The following MNAT1 variants were observed in gnomAD, a reference collection of about 807,000 sequenced individuals.
MNAT1 encodes MNAT1 component of CDK activating kinase, also known as CDK-activating kinase assembly factor MAT1.
In MNAT1, 43 loss-of-function variants were observed where a neutral mutation model predicts 42.0. The ratio of observed to expected loss-of-function variants is 1.02; its 90% confidence interval spans 0.80 to 1.32. The LOEUF (loss-of-function observed/expected upper bound fraction) is 1.32. MNAT1 is among the 40% of genes most tolerant of loss of function. MNAT1 has a pLI of 0.00. For missense variants in MNAT1, 306 were observed against 350.4 expected, an observed-to-expected ratio of 0.87 and a Z score of 1.01; for synonymous variants, 118 against 120.0, an observed-to-expected ratio of 0.98 and a Z score of 0.11.
intron 7 of MNAT1, among the ~76,000 whole-genome samples, chr14:60,926,359 A>G (rs1470545972): frequency 2.0e-5 from 3 of 152,176 alleles, no homozygotes; most frequent in Non-Finnish European, 4.4e-5. Context: ...ATAGTATCAT[A>G]TACCACAGGT....
At chr14:60,767,432 T>G (rs944588074) in intron 1 of MNAT1, among the ~76,000 whole-genome samples, 1 of 152,170 alleles carries the variant, frequency 6.6e-6, no homozygotes, top group African/African-American at 2.4e-5. Flanking sequence ...TGGGGAGAAT[T>G]GAGGCCAGTT....
chr14:60,755,069 G>A (rs184952145), intron 1 of MNAT1, among the ~76,000 whole-genome samples: 191 of 152,018 alleles, frequency 1.3e-3, no homozygotes, highest in African/African-American at 4.5e-3. Flanking sequence ...GCATGATCAC[G>A]GCTCACTGTA....
chr14:60,841,127 C>G (rs758423296), intron 6 of MNAT1, among the ~76,000 whole-genome samples: 6 of 151,730 alleles, frequency 4.0e-5, no homozygotes, highest in Admixed American at 6.6e-5. Flanking sequence ...GATTCTCTCT[C>G]TCTCTCTTTC....
At chr14:60,946,951 T>C (rs975172190) in intron 7 of MNAT1, among the ~76,000 whole-genome samples, 3 of 152,362 alleles carry the variant, frequency 2.0e-5, no homozygotes, top group Non-Finnish European at 4.4e-5. Flanking sequence ...CCTGGCCTTC[T>C]ATCTGTGTCC....
At chr14:60,885,940 T>C (rs771901719) in intron 7 of MNAT1, among the ~76,000 whole-genome samples, 3 of 152,036 alleles carry the variant, frequency 2.0e-5, no homozygotes, top group Non-Finnish European at 4.4e-5. Context: ...TGATGTTTTT[T>C]AATATGGTGT....
In MNAT1 at chr14:60,767,685, C is replaced by T. The variant is rs866007507; in HGVS notation, c.90-28532C>T. On this transcript the variant is annotated intron_variant, in intron 1 of 7. Transcript: ENST00000261245. ...GTGTGATCTTGGCTCATCGCAACCT[C>T]TGCCTGCTAGGTTCAAGTGATTCTT... Among the ~76,000 whole-genome samples, 4 of 152,282 alleles carry T rather than the reference C, an allele frequency of 2.6e-5. No homozygotes were observed. The South Asian group carries it at 6.2e-4, about 24-fold the overall frequency.
At chr14:60,955,485 A>G (rs1238837314) in intron 7 of MNAT1, among the ~76,000 whole-genome samples, 3 of 152,114 alleles carry the variant, frequency 2.0e-5, no homozygotes, top group African/African-American at 7.2e-5. Context: ...AACATGGTGA[A>G]ACCCCATCTC....
intron 7 of MNAT1, among the ~76,000 whole-genome samples, chr14:60,918,048 G>C (rs1444766523): frequency 6.6e-6 from 1 of 151,650 alleles, no homozygotes; most frequent in African/African-American, 2.4e-5. Context: ...TTTTGTCTTT[G>C]CTTGATCAAA....
intron 7 of MNAT1, among the ~76,000 whole-genome samples, chr14:60,929,690 C>T (rs2035846129): frequency 6.6e-6 from 1 of 152,116 alleles, no homozygotes; most frequent in Non-Finnish European, 1.5e-5. Flanking sequence ...CTGAATTACA[C>T]ATTTAGCTGT....
intron 7 of MNAT1, among the ~76,000 whole-genome samples, chr14:60,901,611 C>G (rs545696009): frequency 2.2e-4 from 33 of 152,232 alleles, no homozygotes; most frequent in African/African-American, 7.9e-4. Context: ...ATTTGTGATC[C>G]ATGGGAGGAG....
At chr14:60,850,211 G>A (rs1001936654) in intron 6 of MNAT1, among the ~76,000 whole-genome samples, 2 of 152,096 alleles carry the variant, frequency 1.3e-5, no homozygotes, top group African/African-American at 2.4e-5. Flanking sequence ...CTGTATTATT[G>A]ATTTTCATTT....
chr14:60,885,731 T>A (rs1253909001), intron 7 of MNAT1, among the ~76,000 whole-genome samples: 2 of 152,110 alleles, frequency 1.3e-5, no homozygotes, highest in Non-Finnish European at 2.9e-5. Context: ...TTTTTCATTT[T>A]GTTGTTTATT....
At chr14:60,961,308 A>C (rs550092072) in intron 7 of MNAT1, among the ~76,000 whole-genome samples, 1 of 152,284 alleles carries the variant, frequency 6.6e-6, no homozygotes, top group Non-Finnish European at 1.5e-5. Context: ...AGTGCCCTTG[A>C]ATAAAATCCA....
At chr14:60,893,259 C>A (rs921564713) in intron 7 of MNAT1, among the ~76,000 whole-genome samples, 5 of 151,814 alleles carry the variant, frequency 3.3e-5, no homozygotes, top group African/African-American at 1.2e-4. Context: ...TTTAATATTG[C>A]AATTTTTATA....
intron 7 of MNAT1, among the ~76,000 whole-genome samples, chr14:60,915,097 C>G (rs545941579): frequency 2.0e-5 from 3 of 152,186 alleles, no homozygotes; most frequent in Non-Finnish European, 2.9e-5. Flanking sequence ...ATGCAGATTG[C>G]TGTTCCTGGA....
In MNAT1 at chr14:60,789,460, A is replaced by C. The variant is rs1234649483; in HGVS notation, c.90-6757A>C. Among the ~76,000 whole-genome samples the C allele has an allele frequency of 3.3e-5, 5 of 152,208 alleles. No individual in the cohort carries two copies. The South Asian group carries it at 1.0e-3, about 31-fold the overall frequency. Reference sequence around the variant, plus strand: ...AAAATGGTGCCGATAGACTCATTCCATGGCAGCGTTGCCACAAATCTTGAA... The same window carrying C: ...AAAATGGTGCCGATAGACTCATTCCCTGGCAGCGTTGCCACAAATCTTGAA... On this transcript the variant is annotated intron_variant, in intron 1 of 7. Transcript: ENST00000261245.
In MNAT1 at chr14:60,968,277, C is replaced by G. The variant is rs2036719078; in HGVS notation, c.858C>G (p.Gly286=). The G allele has an allele frequency of 1.9e-6, 3 of 1,613,972 alleles. No individual in the cohort carries two copies. Among genetic ancestry groups the G allele is most frequent in the Non-Finnish European group, 2.5e-6 (3 of 1,179,926 alleles). ...RAASPQDLAG[G]YTSSLACHRA... Reference sequence around the variant, plus strand: ...CCTCACCACAGGACCTTGCTGGAGGCTATACTTCTTCTCTTGCTTGTCACA... The same window carrying G: ...CCTCACCACAGGACCTTGCTGGAGGGTATACTTCTTCTCTTGCTTGTCACA... Residue 286 remains glycine (G), a synonymous_variant, in exon 8 of 8, where the codon GGC becomes GGG. Coordinates refer to ENST00000261245, the MANE Select transcript of MNAT1 (RefSeq NM_002431.4).
At chr14:60,782,586 A>G (rs2031501976) in intron 1 of MNAT1, among the ~76,000 whole-genome samples, 1 of 152,140 alleles carries the variant, frequency 6.6e-6, no homozygotes, top group African/African-American at 2.4e-5. Flanking sequence ...GTATTAAGTA[A>G]TATTTCTAAT....
At chr14:60,819,774 T>A (rs10144292) in intron 6 of MNAT1, among the ~76,000 whole-genome samples, 14 of 152,098 alleles carry the variant, frequency 9.2e-5, no homozygotes, top group Admixed American at 7.2e-4. Context: ...TTTATCCAGC[T>A]GCTTGACATG....
Sources: allele counts gnomAD v4.1 joint callset (sites outside exome capture counted in the v4.1 genomes callset), GRCh38; gene constraint gnomAD v4.1.1; transcripts MANE v1.5; gene names NCBI Gene and HGNC (gene_info 2026-07-23, HGNC 2026-07-21).